The following ZNRF2 variants were observed in gnomAD, a reference collection of about 807,000 sequenced individuals.
The protein encoded by ZNRF2 is zinc and ring finger 2, also known as E3 ubiquitin-protein ligase ZNRF2.
A neutral mutation model predicts 20.4 loss-of-function variants in ZNRF2; 16 were observed. The ratio of observed to expected loss-of-function variants is 0.79; its 90% CI spans 0.53 to 1.19. ZNRF2 has a LOEUF of 1.19. Among genes scored for constraint, ZNRF2 ranks in the 50% most tolerant of loss-of-function variants. The pLI is 0.00. For missense variants in ZNRF2, 363 were observed against 332.4 expected, an observed-to-expected ratio of 1.09 and a Z score of -0.72; for synonymous variants, 178 against 144.9, an observed-to-expected ratio of 1.23 and a Z score of -1.64.
chr7:30,343,752 A>G (rs1336715003), intron 2 of ZNRF2, among the ~76,000 whole-genome samples: 3 of 151,592 alleles, frequency 2.0e-5, no homozygotes. Flanking sequence ...TACACAGTAC[A>G]GGGTTAGATT....
intron 1 of ZNRF2, among the ~76,000 whole-genome samples, chr7:30,320,243 T>C (rs536175672): frequency 1.3e-5 from 2 of 152,192 alleles, no homozygotes; most frequent in African/African-American, 2.4e-5. Context: ...TATATATACA[T>C]AGAGAAATTT....
chr7:30,345,202 G>T (rs1264770194), intron 2 of ZNRF2, among the ~76,000 whole-genome samples: 1 of 144,502 alleles, frequency 6.9e-6, no homozygotes, highest in East Asian at 1.9e-4. Context: ...TCTCTGTAGA[G>T]AACATTTTTT....
chr7:30,347,905 G>C (rs1353773317), intron 2 of ZNRF2, among the ~76,000 whole-genome samples: 1 of 152,086 alleles, frequency 6.6e-6, no homozygotes, highest in East Asian at 1.9e-4. Flanking sequence ...TGTTCATGTT[G>C]CATAAGTTCT....
chr7:30,290,755 A>G (rs1428170471), intron 1 of ZNRF2, among the ~76,000 whole-genome samples: 1 of 152,246 alleles, frequency 6.6e-6, no homozygotes, highest in Non-Finnish European at 1.5e-5. Context: ...TGGATTATAG[A>G]TAGATTGACA....
intron 2 of ZNRF2, among the ~76,000 whole-genome samples, chr7:30,342,794 A>C (rs1411185277): frequency 6.6e-6 from 1 of 152,048 alleles, no homozygotes; most frequent in Non-Finnish European, 1.5e-5. Context: ...AGGTTCCGAT[A>C]AGTAGTGGTT....
intron 4 of ZNRF2, among the ~76,000 whole-genome samples, chr7:30,365,291 C>G (rs1800195412): frequency 6.6e-6 from 1 of 151,354 alleles, no homozygotes; most frequent in Non-Finnish European, 1.5e-5. Flanking sequence ...AGCTGAAATG[C>G]ATATGTCTGT....
Position 30,292,767 on chromosome 7 carries a change from T to C in ZNRF2, c.469+6941T>C, listed in dbSNP as rs536009947. Among the ~76,000 whole-genome samples, 41 of 152,260 alleles carry C rather than the reference T, an allele frequency of 2.7e-4. No homozygotes were observed. In the South Asian group the frequency reaches 6.2e-3, roughly 23 times the overall value. On this transcript the variant is annotated intron_variant, in intron 1 of 4. Transcript: ENST00000323037. ...CCCTGAGGCATGAGTGTACCTGATA[T>C]GTAGGTTTACTTACAGCTGGAGTGC...
chr7:30,295,050 A>AGTGTGTGTGTGTGT (rs71536219), intron 1 of ZNRF2, among the ~76,000 whole-genome samples: 4 of 38,280 alleles, frequency 1.0e-4, no homozygotes, highest in Non-Finnish European at 1.4e-4. Flanking sequence ...AGAGAGAGAG[A>AGTGTGTGTGTGTGT]GTGTGTGTGT....
At chr7:30,328,148 C>A (rs967782462) in intron 2 of ZNRF2, among the ~76,000 whole-genome samples, 1 of 152,100 alleles carries the variant, frequency 6.6e-6, no homozygotes, top group East Asian at 1.9e-4. Context: ...CAGACCCCCC[C>A]CAAAATGTCT....
chr7:30,329,610 A>G (rs142010479), intron 2 of ZNRF2, among the ~76,000 whole-genome samples: 3,217 of 152,212 alleles, frequency 0.021, 58 homozygotes, highest in Middle Eastern at 0.044. Context: ...CTCCAGTTCC[A>G]TCCATGTTGT....
At chr7:30,357,767 A>G (rs954316227) in intron 3 of ZNRF2, among the ~76,000 whole-genome samples, 1 of 152,176 alleles carries the variant, frequency 6.6e-6, no homozygotes, top group African/African-American at 2.4e-5. Context: ...TCTACCAGAT[A>G]TCCAAAGAAC....
intron 1 of ZNRF2, among the ~76,000 whole-genome samples, chr7:30,293,791 C>T (rs1798957784): frequency 2.0e-5 from 3 of 152,104 alleles, no homozygotes; most frequent in African/African-American, 7.2e-5. Context: ...TCATTCAGGG[C>T]TCTTTTTTTA....
chr7:30,299,990 T>C (rs1429960131), intron 1 of ZNRF2, among the ~76,000 whole-genome samples: 1 of 151,810 alleles, frequency 6.6e-6, no homozygotes, highest in East Asian at 1.9e-4. Context: ...TTCACTGTGT[T>C]AGCCAGGATG....
chr7:30,352,318 G>A (rs529570682), intron 2 of ZNRF2, among the ~76,000 whole-genome samples: 1 of 152,108 alleles, frequency 6.6e-6, no homozygotes, highest in Admixed American at 6.5e-5. Flanking sequence ...CTCCAGGGGT[G>A]GGACTCAGGT....
At chr7:30,321,493 G>C (rs1230165673) in intron 1 of ZNRF2, among the ~76,000 whole-genome samples, 2 of 151,906 alleles carry the variant, frequency 1.3e-5, no homozygotes, top group Non-Finnish European at 2.9e-5. Context: ...GTTTTGGAGG[G>C]GAGGAGAGAG....
intron 2 of ZNRF2, among the ~76,000 whole-genome samples, chr7:30,328,216 A>G (rs1208036992): frequency 1.3e-5 from 2 of 152,324 alleles, no homozygotes; most frequent in Admixed American, 6.5e-5. Context: ...TAAGCAAACC[A>G]TCTAGGATTA....
intron 2 of ZNRF2, among the ~76,000 whole-genome samples, chr7:30,327,181 G>T (rs1243758054): frequency 6.6e-6 from 1 of 152,034 alleles, no homozygotes; most frequent in East Asian, 1.9e-4. Context: ...AATTGCTTTT[G>T]GTGCCTTTGT....
intron 3 of ZNRF2, among the ~76,000 whole-genome samples, chr7:30,357,168 A>G (rs1195818174): frequency 6.6e-6 from 1 of 152,222 alleles, no homozygotes; most frequent in Admixed American, 6.5e-5. Flanking sequence ...ACTGATGTGT[A>G]TATGTATTTG....
chr7:30,289,344 GTT>G (rs1186398448), intron 1 of ZNRF2, among the ~76,000 whole-genome samples: 1 of 152,220 alleles, frequency 6.6e-6, no homozygotes, highest in Non-Finnish European at 1.5e-5. Flanking sequence ...CAGATGTGAA[GTT>G]TTATGGTGTT....
Sources: gnomAD v4.1 joint callset for allele counts (sites outside exome capture counted in the v4.1 genomes callset) on GRCh38, gnomAD v4.1.1 for gene constraint, MANE v1.5 for transcripts, NCBI Gene and HGNC (gene_info 2026-07-23, HGNC 2026-07-21) for gene names.